The following DNM3 variants were observed in gnomAD, a reference collection of about 807,000 sequenced individuals.
DNM3 encodes the protein dynamin-3.
Under a neutral mutation model 101.6 loss-of-function variants are expected in DNM3, and 47 were observed. The observed-to-expected ratio is 0.46, with a 90% CI of 0.37 to 0.59. DNM3 has a LOEUF of 0.59. Ranked by LOEUF, DNM3 falls within the 20% of genes least tolerant of loss-of-function variation. DNM3 has a pLI of 0.00. For synonymous variants in DNM3, 385 were observed against 387.9 expected, an observed-to-expected ratio of 0.99 and a Z score of 0.09; for missense variants, 849 against 1,085.7, an observed-to-expected ratio of 0.78 and a Z score of 3.06.
chr1:171,953,674 C>T (rs1275725570), intron 2 of DNM3, among the ~76,000 whole-genome samples: 1 of 152,054 alleles, frequency 6.6e-6, no homozygotes, highest in Admixed American at 6.6e-5. Context: ...GGTGATCTAC[C>T]CGCCTCAGCC....
chr1:172,405,146 C>A (rs2070782015), intron 20 of DNM3, among the ~76,000 whole-genome samples: 1 of 152,062 alleles, frequency 6.6e-6, no homozygotes. Flanking sequence ...TAAACTCTAG[C>A]CTGGCTAAAT....
At chr1:172,082,428 ACG>A (rs2053230089) in intron 12 of DNM3, among the ~76,000 whole-genome samples, 1 of 151,634 alleles carries the variant, frequency 6.6e-6, no homozygotes, top group Non-Finnish European at 1.5e-5. Flanking sequence ...TTTTTCATAT[ACG>A]TTATCATGCA....
At chr1:172,217,055 G>A (rs543173682) in intron 14 of DNM3, among the ~76,000 whole-genome samples, 1 of 152,218 alleles carries the variant, frequency 6.6e-6, no homozygotes, top group Non-Finnish European at 1.5e-5. Flanking sequence ...CACATTTATA[G>A]TTATTGGTTA....
chr1:172,320,750 G>A (rs936495781), intron 16 of DNM3, among the ~76,000 whole-genome samples: 1 of 152,066 alleles, frequency 6.6e-6, no homozygotes, highest in African/African-American at 2.4e-5. Flanking sequence ...ATGCACTCTG[G>A]GGGGATAGGC....
intron 2 of DNM3, among the ~76,000 whole-genome samples, chr1:171,982,519 G>C (rs570182756): frequency 6.6e-6 from 1 of 152,190 alleles, no homozygotes; most frequent in South Asian, 2.1e-4. Context: ...AGTACTTTGT[G>C]GTTCCTGCCC....
chr1:172,044,366 G>A lies in DNM3; in HGVS notation c.1129-19G>A, dbSNP rs1180013802. The A allele has an allele frequency of 3.1e-6, 5 of 1,596,284 alleles. No individual in the cohort carries two copies. In the Admixed American group the frequency reaches 6.9e-5, roughly 22 times the overall value. On this transcript the variant is annotated intron_variant, in intron 8 of 20. Coordinates refer to ENST00000627582, the MANE Select transcript of DNM3 (RefSeq NM_015569.5). ...AAAGGAATTAAGTGTCATAACTATG[G>A]CTCATTTTGCATCTGCAGATGGAGT...
At chr1:172,416,588 A>T (rs565159687), downstream of DNM3, among the ~76,000 whole-genome samples, 1 of 152,312 alleles carries the variant, frequency 6.6e-6, no homozygotes, top group East Asian at 1.9e-4. Flanking sequence ...TAGCTCAAAC[A>T]GGAAAGTGTT....
At chr1:171,915,874 C>T (rs2039671283) in intron 1 of DNM3, among the ~76,000 whole-genome samples, 2 of 152,186 alleles carry the variant, frequency 1.3e-5, no homozygotes, top group Admixed American at 1.3e-4. Context: ...CCACTTCTTT[C>T]AGGTACCCAT....
At chr1:172,097,582 G>A (rs2054331264) in intron 13 of DNM3, among the ~76,000 whole-genome samples, 1 of 152,076 alleles carries the variant, frequency 6.6e-6, no homozygotes, top group Non-Finnish European at 1.5e-5. Context: ...TCCAAAGGAT[G>A]AGAACATAGA....
intron 2 of DNM3, among the ~76,000 whole-genome samples, chr1:171,966,026 G>A (rs2043562006): frequency 6.6e-6 from 1 of 152,176 alleles, no homozygotes; most frequent in Admixed American, 6.5e-5. Context: ...GAAGCTCTGT[G>A]TCAGGAACCA....
downstream of DNM3, among the ~76,000 whole-genome samples, chr1:172,413,904 A>G (rs2071337560): frequency 1.3e-5 from 2 of 152,210 alleles, no homozygotes; most frequent in Admixed American, 1.3e-4. Context: ...CTGGATGCGA[A>G]TCATGCTGTA....
chr1:171,975,871 G>A (rs2044330934), intron 2 of DNM3, among the ~76,000 whole-genome samples: 1 of 152,214 alleles, frequency 6.6e-6, no homozygotes, highest in African/African-American at 2.4e-5. Flanking sequence ...CTAGCCAGCA[G>A]AGAGACTGCT....
chr1:171,918,427 A>G (rs1167386582), intron 1 of DNM3, among the ~76,000 whole-genome samples: 1 of 152,206 alleles, frequency 6.6e-6, no homozygotes, highest in Non-Finnish European at 1.5e-5. Context: ...GAGCTCACAC[A>G]GCAAGAGTGT....
At chr1:172,097,917 T>C (rs1051341860) in intron 13 of DNM3, among the ~76,000 whole-genome samples, 2 of 151,372 alleles carry the variant, frequency 1.3e-5, no homozygotes, top group African/African-American at 2.4e-5. Context: ...TTTTTATTAG[T>C]GATTTTCAAA....
chr1:172,241,888 A>G (rs140957598), intron 14 of DNM3, among the ~76,000 whole-genome samples: 2 of 152,292 alleles, frequency 1.3e-5, no homozygotes, highest in African/African-American at 2.4e-5. Context: ...TAAGAGCAAG[A>G]TTGGGAAGGG....
intron 15 of DNM3, among the ~76,000 whole-genome samples, chr1:172,285,212 G>A (rs147097914): frequency 8.1e-4 from 124 of 152,206 alleles, no homozygotes; most frequent in Non-Finnish European, 1.4e-3. Context: ...TTGAAGAGTC[G>A]GTTATATCCA....
chr1:171,882,983 T>TATTATATACAG (rs2036418420), intron 1 of DNM3, among the ~76,000 whole-genome samples: 1 of 151,800 alleles, frequency 6.6e-6, no homozygotes, highest in African/African-American at 2.4e-5. Context: ...ATTTTATACA[T>TATTATATACAG]ATTAATACGT....
intron 14 of DNM3, chr1:172,136,483 T>C (rs1020798140): frequency 6.6e-6 from 1 of 152,174 alleles, no homozygotes; most frequent in Admixed American, 6.5e-5. Flanking sequence ...AGTTATTTAG[T>C]TAGCCAAAAC....
At chr1:172,286,261 G>A (rs1305043872) in intron 15 of DNM3, among the ~76,000 whole-genome samples, 2 of 152,010 alleles carry the variant, frequency 1.3e-5, no homozygotes, top group African/African-American at 4.8e-5. Flanking sequence ...TTATTCCTCT[G>A]ATTTCAGAAA....
Sources: allele counts gnomAD v4.1 joint callset (sites outside exome capture counted in the v4.1 genomes callset), GRCh38; gene constraint gnomAD v4.1.1; transcripts MANE v1.5; gene names NCBI Gene and HGNC (gene_info 2026-07-23, HGNC 2026-07-21).